Variants in MASTL observed in about 807,000 individuals in gnomAD.
MASTL encodes microtubule associated serine/threonine kinase like, also known as serine/threonine-protein kinase greatwall.
Under a neutral mutation model 82.5 loss-of-function variants are expected in MASTL, and 54 were observed. That is an observed-to-expected ratio of 0.65 (90% CI 0.53 to 0.82). The LOEUF is 0.82. Ranked by LOEUF, MASTL falls within the 40% of genes least tolerant of loss-of-function variation. The pLI is 0.00. For missense variants in MASTL, 950 were observed against 1,047.8 expected (o/e 0.91, Z 1.29); for synonymous variants, 323 against 368.9 (o/e 0.88, Z 1.43).
At chr10:27,165,204 C>A (rs1435224757) in intron 5 of MASTL, 34 bp downstream of exon 5, 3 of 1,453,766 alleles carry the variant, frequency 2.1e-6, no homozygotes, top group Non-Finnish European at 2.9e-6. Context: ...ACATGACATA[C>A]CCCTTCATGA....
chr10:27,154,555 C>G (rs1237327226), upstream of MASTL: 1 of 397,246 alleles, frequency 2.5e-6, no homozygotes, highest in East Asian at 3.6e-5. Context: ...CCTTTACCCT[C>G]TTTGGACTTT....
chr10:27,177,609 AGT>A (rs1201032072), intron 9 of MASTL, among the ~76,000 whole-genome samples: 3 of 152,152 alleles, frequency 2.0e-5, no homozygotes, highest in African/African-American at 7.2e-5. Flanking sequence ...GTTTCAGCTT[AGT>A]GTGTTAAAAT....
intron 9 of MASTL, among the ~76,000 whole-genome samples, chr10:27,176,730 A>T (rs1284113536): frequency 2.0e-5 from 3 of 152,126 alleles, no homozygotes; most frequent in African/African-American, 7.2e-5. Context: ...ATGTTACCTT[A>T]TTAGAAACTG....
chr10:27,177,265 C>T (rs1485486643), intron 9 of MASTL, among the ~76,000 whole-genome samples: 3 of 152,150 alleles, frequency 2.0e-5, no homozygotes, highest in Non-Finnish European at 4.4e-5. Flanking sequence ...TCCTCTTTCT[C>T]GCTTAGCCAA....
intron 11 of MASTL, among the ~76,000 whole-genome samples, chr10:27,184,565 T>TTTTC (rs2058545026): frequency 7.3e-6 from 1 of 136,722 alleles, no homozygotes; most frequent in Non-Finnish European, 1.6e-5. Context: ...TTTTTTTTTT[T>TTTTC]TTTTTTTTTT....
chr10:27,159,518 TAC>T lies in MASTL; in HGVS notation c.325-99_325-98del, dbSNP rs2057500952. On this transcript the variant is annotated intron_variant, in intron 2 of 11. Transcript: ENST00000375940. This position sits in a 1 kb window ranked among gnomAD's most constrained non-coding sequence, Gnocchi z 4.0. Reference sequence around the variant, plus strand: ...TAATAGCAAGAAAAGGTCGTTTCATTACAGAGCCATGCCAAATATTGTAACTG... The same window carrying T: ...TAATAGCAAGAAAAGGTCGTTTCATTAGAGCCATGCCAAATATTGTAACTG... 1 of 803,734 alleles carries T rather than the reference TAC, an allele frequency of 1.2e-6. No homozygotes were observed. Among genetic ancestry groups the T allele is most frequent in the African/African-American group, 1.7e-5 (1 of 57,856 alleles). 49.8% of individuals were successfully genotyped at this position (803,734 alleles called of 1,614,324 possible).
At chr10:27,156,099 G>T (rs2057362947) in intron 1 of MASTL, among the ~76,000 whole-genome samples, 1 of 152,282 alleles carries the variant, frequency 6.6e-6, no homozygotes, top group East Asian at 1.9e-4. Context: ...CCGCCCCCCG[G>T]GTTCACGCCA....
chr10:27,169,403 A>G (rs2057844162), intron 7 of MASTL, among the ~76,000 whole-genome samples: 1 of 151,704 alleles, frequency 6.6e-6, no homozygotes, highest in South Asian at 2.1e-4. Flanking sequence ...TCTCCACTTA[A>G]AAAAAATTAT....
intron 5 of MASTL, 82 bp downstream of exon 5, chr10:27,165,252 G>T (rs191326690): frequency 1.5e-6 from 2 of 1,372,132 alleles, no homozygotes; most frequent in South Asian, 2.4e-5. Context: ...TAAAAAAAAA[G>T]ATCAAAATAG....
In MASTL at chr10:27,186,651, ATGTGCTTT is replaced by A; in HGVS notation, c.*117_*124del. ...AAAGATCATTATTTAACCTAGTTCA[ATGTGCTTT>A]TAATGTACGTTACAGCTTTCACAGA... is the stretch of plus-strand genomic sequence containing the variant. On this transcript the variant is annotated 3_prime_UTR_variant, in exon 12 of 12. Transcript: ENST00000375940. 2.0e-6 allele frequency: 2 copies of A among 983,950 alleles called. No homozygotes were observed. The highest frequency in any genetic ancestry group is 3.2e-6 in the Non-Finnish European group (2 of 615,590). 61.0% of individuals were successfully genotyped at this position (983,950 alleles called of 1,614,324 possible).
At position 27,155,388 on chromosome 10, in the gene MASTL, A is replaced by AG. The variant is rs756444585; in HGVS notation, c.-35dup. On this transcript the variant is annotated 5_prime_UTR_variant, in exon 1 of 12. Coordinates refer to ENST00000375940, the MANE Select transcript of MASTL (RefSeq NM_001172303.3). Reference sequence around the variant, plus strand: ...AGTTGGCGGGAGTGGCTGCTCGCGGAGGGGCAGTGTCTGCGGGGCCGCTGT... The same window carrying AG: ...AGTTGGCGGGAGTGGCTGCTCGCGGAGGGGGCAGTGTCTGCGGGGCCGCTGT... The AG allele has an allele frequency of 1.9e-6, 3 of 1,555,116 alleles. No homozygotes were observed. Among genetic ancestry groups the AG allele is most frequent in the Non-Finnish European group, 1.7e-6 (2 of 1,150,686 alleles).
chr10:27,182,572 T>A (rs1387833789), intron 11 of MASTL, among the ~76,000 whole-genome samples: 1 of 152,146 alleles, frequency 6.6e-6, no homozygotes, highest in East Asian at 1.9e-4. Context: ...ATGGTGAAAC[T>A]GTCTCTACAA....
chr10:27,185,539 G>A (rs1359911074), intron 11 of MASTL, among the ~76,000 whole-genome samples: 2 of 151,214 alleles, frequency 1.3e-5, no homozygotes, highest in African/African-American at 4.9e-5. Flanking sequence ...AGGATGAGGT[G>A]GGAGAATCGC....
rs1227679836 is a variant in MASTL at position 27,170,362 on chromosome 10, ATAAG to A, written c.1404_1407del (p.Lys469IlefsTer4). The A allele has an allele frequency of 6.2e-7, 1 of 1,613,776 alleles. No homozygotes were observed. The highest frequency in any genetic ancestry group is 8.5e-7 in the Non-Finnish European group (1 of 1,179,800). Reference sequence around the variant, plus strand: ...CAGAATAAAAAAACTTGTGTAGAGTATAAGCATAACGAAATGACAAATTGTTATA... The same window carrying A: ...CAGAATAAAAAAACTTGTGTAGAGTACATAACGAAATGACAAATTGTTATA... On this transcript the variant is annotated frameshift_variant, in exon 8 of 12. Coordinates refer to ENST00000375940, the MANE Select transcript of MASTL (RefSeq NM_001172303.3). LOFTEE classifies it high-confidence loss of function.
Position 27,165,171 on chromosome 10 carries a change from G to T in MASTL, c.660+1G>T. On this transcript the variant is annotated splice_donor_variant, in intron 5 of 11. Coordinates refer to ENST00000375940, the MANE Select transcript of MASTL (RefSeq NM_001172303.3). LOFTEE classifies it high-confidence loss of function. The stretch of plus-strand genomic sequence containing the variant: ...ATCGCTTATCAGCTCGTTGGGATTT[G>T]TAAGTACTTGAGAAGAAAATTAACA... 1 of 1,599,086 alleles carries T rather than the reference G, an allele frequency of 6.3e-7. No individual in the cohort carries two copies. The highest frequency in any genetic ancestry group is 1.1e-5 in the South Asian group (1 of 90,738).
intron 11 of MASTL, among the ~76,000 whole-genome samples, chr10:27,185,399 G>A (rs1224963300): frequency 6.6e-6 from 1 of 151,820 alleles, no homozygotes; most frequent in African/African-American, 2.4e-5. Context: ...TTGGGAGGCT[G>A]AGGCGGGTGG....
Position 27,170,819 on chromosome 10 carries a change from A to G in MASTL, c.1860A>G (p.Pro620=), listed in dbSNP as rs1564494665. The G allele has an allele frequency of 6.2e-7, 1 of 1,614,170 alleles. No homozygotes were observed. Among genetic ancestry groups the G allele is most frequent in the East Asian group, 2.2e-5 (1 of 44,874 alleles). The change falls in exon 8 of 12, where the codon CCA becomes CCG. Residue 620 remains proline, a synonymous_variant. Transcript: ENST00000375940. The part of the protein sequence containing the change: ...VTPDCQEKTS[P]KGVENPAVQE... ...CAGATTGCCAAGAAAAGACCTCACC[A>G]AAAGGTGTCGAGAACCCTGCTGTAC...
At position 27,165,112 on chromosome 10, in the gene MASTL, G is replaced by C; in HGVS notation, c.602G>C (p.Arg201Thr). Residue 201 changes from arginine to threonine, a missense_variant, in exon 5 of 12, where the codon AGA becomes ACA. Arg to Thr is a moderately conservative substitution (Grantham distance 71). Transcript: ENST00000375940. The part of the protein sequence containing the change: ...ILTTPSMAKP[R>T]QDYSRTPGQV... ...ACAACACCATCAATGGCAAAACCTA[G>C]ACAAGATTATTCAAGAACCCCAGGA... The C allele has an allele frequency of 6.2e-7, 1 of 1,613,432 alleles. No homozygotes were observed. The highest frequency in any genetic ancestry group is 1.1e-5 in the South Asian group (1 of 91,058).
chr10:27,165,674 G>A (rs539669013), intron 6 of MASTL, 135 bp downstream of exon 6: 16 of 989,530 alleles, frequency 1.6e-5, no homozygotes, highest in East Asian at 1.6e-4. Context: ...GTGCAATGGC[G>A]CGATCTCGGC....
Sources: gnomAD v4.1 joint callset for allele counts (sites outside exome capture counted in the v4.1 genomes callset) on GRCh38, gnomAD v4.1.1 for gene constraint, Gnocchi (gnomAD v3.1) non-coding constraint, MANE v1.5 for transcripts, NCBI Gene and HGNC (gene_info 2026-07-23, HGNC 2026-07-21) for gene names.